NYAP2: variants seen among roughly 807,000 people sequenced by gnomAD.
The protein encoded by NYAP2 is neuronal tyrosine-phosphorylated phosphoinositide-3-kinase adapter 2.
A neutral mutation model predicts 50.4 loss-of-function variants in NYAP2; 23 were observed. That is an observed-to-expected ratio of 0.46 (90% CI 0.33 to 0.65). The LOEUF is 0.65. NYAP2 is among the 30% of genes least tolerant of loss of function. The pLI is 0.02. For synonymous variants in NYAP2, 394 were observed against 365.2 expected, an observed-to-expected ratio of 1.08 and a Z score of -0.90; for missense variants, 885 against 861.0, an observed-to-expected ratio of 1.03 and a Z score of -0.35.
chr2:225,663,528 A>G, the NYAP2 span, among the ~76,000 whole-genome samples: 8 of 151,956 alleles, frequency 5.3e-5, no homozygotes. Context: ...CCTCAGGTTC[A>G]TCCACACACC....
intron 3 of NYAP2, among the ~76,000 whole-genome samples, chr2:225,484,355 G>A (rs1690254757): frequency 1.3e-5 from 2 of 152,200 alleles, no homozygotes; most frequent in African/African-American, 2.4e-5. Flanking sequence ...CTGGGGCTCG[G>A]CCACTTATAT....
At chr2:225,691,700 G>A in the NYAP2 span, among the ~76,000 whole-genome samples, 5 of 152,176 alleles carry the variant, frequency 3.3e-5, no homozygotes, top group East Asian at 1.9e-4. Flanking sequence ...CAGGTGACTC[G>A]CGGCCTCCCA....
At chr2:225,434,558 A>G (rs796268187) in intron 3 of NYAP2, among the ~76,000 whole-genome samples, 2 of 152,208 alleles carry the variant, frequency 1.3e-5, no homozygotes, top group African/African-American at 4.8e-5. Context: ...CTCTGTGCCC[A>G]TGTTATTAGT....
At chr2:225,682,497 C>T in the NYAP2 span, among the ~76,000 whole-genome samples, 2 of 152,258 alleles carry the variant, frequency 1.3e-5, no homozygotes, top group South Asian at 2.1e-4. Flanking sequence ...TCTCCATTGT[C>T]TTGATTTTAA....
At chr2:225,453,535 T>A (rs888175213) in intron 3 of NYAP2, among the ~76,000 whole-genome samples, 6 of 152,192 alleles carry the variant, frequency 3.9e-5, no homozygotes, top group Non-Finnish European at 7.3e-5. Context: ...GCTTTAGAGA[T>A]TTTTTTGCTC....
chr2:225,421,604 G>C (rs1216913462), intron 3 of NYAP2, among the ~76,000 whole-genome samples: 42 of 152,170 alleles, frequency 2.8e-4, no homozygotes, highest in Admixed American at 2.8e-3. Flanking sequence ...ACATAGGAGG[G>C]AATGTTTGTT....
chr2:225,628,120 C>T (rs926558149), intron 6 of NYAP2, among the ~76,000 whole-genome samples: 10 of 152,142 alleles, frequency 6.6e-5, no homozygotes, highest in African/African-American at 2.4e-4. Flanking sequence ...CCAGACTTAA[C>T]ATGTAACTTG....
intron 5 of NYAP2, among the ~76,000 whole-genome samples, chr2:225,616,278 C>A (rs1444056276): frequency 2.6e-5 from 4 of 151,964 alleles, no homozygotes; most frequent in Non-Finnish European, 5.9e-5. Flanking sequence ...CATAGCTGAC[C>A]CCAAATAACA....
intron 3 of NYAP2, among the ~76,000 whole-genome samples, chr2:225,487,677 A>G (rs927765001): frequency 1.3e-5 from 2 of 152,050 alleles, no homozygotes; most frequent in African/African-American, 4.8e-5. Flanking sequence ...AACCTGATAG[A>G]TTTTATTTAG....
At chr2:225,581,447 T>C (rs1692266631) in intron 4 of NYAP2, among the ~76,000 whole-genome samples, 1 of 152,242 alleles carries the variant, frequency 6.6e-6, no homozygotes. Context: ...TCTAGCAGGC[T>C]GAGAAATTTT....
At chr2:225,497,752 T>A (rs143233941) in intron 3 of NYAP2, among the ~76,000 whole-genome samples, 24 of 152,282 alleles carry the variant, frequency 1.6e-4, no homozygotes, top group African/African-American at 4.8e-4. Flanking sequence ...AAATTTTCTG[T>A]CTGGAAACAA....
chr2:225,640,211 G>C (rs569076425), intron 6 of NYAP2, among the ~76,000 whole-genome samples: 2 of 152,284 alleles, frequency 1.3e-5, no homozygotes, highest in South Asian at 2.1e-4. Flanking sequence ...AAGGAGAACT[G>C]TTATCTTCGC....
chr2:225,421,360 A>C (rs1479929190), intron 3 of NYAP2, among the ~76,000 whole-genome samples: 1 of 152,234 alleles, frequency 6.6e-6, no homozygotes, highest in African/African-American at 2.4e-5. Context: ...TTGTCAAGCA[A>C]ATTTTTTCTA....
intron 6 of NYAP2, among the ~76,000 whole-genome samples, chr2:225,632,253 C>T (rs1205593029): frequency 2.0e-5 from 3 of 152,120 alleles, no homozygotes; most frequent in African/African-American, 7.2e-5. Context: ...ACTGTTTCTC[C>T]TCCTTCTCTT....
the NYAP2 span, among the ~76,000 whole-genome samples, chr2:225,669,719 T>C: frequency 0.62 from 93,595 of 151,984 alleles, 30,079 homozygotes; most frequent in South Asian, 0.82. Context: ...TTTAAAATGC[T>C]GAAATGGAGA....
intron 4 of NYAP2, among the ~76,000 whole-genome samples, chr2:225,552,567 C>T (rs978541911): frequency 2.0e-5 from 3 of 152,200 alleles, no homozygotes; most frequent in African/African-American, 7.2e-5. Context: ...CTTTCTCTCT[C>T]TCTCTCTCTG....
chr2:225,703,250 G>A, the NYAP2 span: 1 of 151,618 alleles, frequency 6.6e-6, no homozygotes. Context: ...AAAAGACAGG[G>A]TTTTTAAAGA....
chr2:225,417,906 A>T (rs1186961177), intron 3 of NYAP2, among the ~76,000 whole-genome samples: 1 of 152,178 alleles, frequency 6.6e-6, no homozygotes, highest in Non-Finnish European at 1.5e-5. Context: ...GCTTGTCCTC[A>T]TCGGAGTTAC....
chr2:225,663,391 A>C, the NYAP2 span, among the ~76,000 whole-genome samples: 1 of 152,046 alleles, frequency 6.6e-6, no homozygotes, highest in Non-Finnish European at 1.5e-5. Flanking sequence ...AAAATACTTA[A>C]AGGTGCCCAC....
Sources: allele counts gnomAD v4.1 joint callset (sites outside exome capture counted in the v4.1 genomes callset), GRCh38; gene constraint gnomAD v4.1.1; transcripts MANE v1.5; gene names NCBI Gene and HGNC (gene_info 2026-07-23, HGNC 2026-07-21).